ADAMTSL3: variants seen among roughly 807,000 people sequenced by gnomAD.
The protein encoded by ADAMTSL3 is ADAMTS like 3.
A neutral mutation model predicts 201.7 loss-of-function variants in ADAMTSL3; 128 were observed. The ratio of observed to expected loss-of-function variants is 0.63; its 90% CI spans 0.55 to 0.73. ADAMTSL3 has a LOEUF of 0.73. Among genes scored for constraint, ADAMTSL3 ranks in the 30% least tolerant of loss-of-function variants. The pLI is 0.00. For synonymous variants in ADAMTSL3, 738 were observed against 748.4 expected, an observed-to-expected ratio of 0.99 and a Z score of 0.23; for missense variants, 1,990 against 2,119.6, an observed-to-expected ratio of 0.94 and a Z score of 1.20.
At chr15:84,009,289 A>G (rs2067962454) in intron 23 of ADAMTSL3, among the ~76,000 whole-genome samples, 1 of 152,158 alleles carries the variant, frequency 6.6e-6, no homozygotes, top group African/African-American at 2.4e-5. Context: ...CTGCAGCCAC[A>G]TGCTCTTTTA....
chr15:83,836,391 C>G (rs1168010218), intron 6 of ADAMTSL3, among the ~76,000 whole-genome samples: 1 of 152,194 alleles, frequency 6.6e-6, no homozygotes, highest in Non-Finnish European at 1.5e-5. Context: ...GAAAATATCT[C>G]TAATCATAAG....
intron 19 of ADAMTSL3, among the ~76,000 whole-genome samples, chr15:83,969,994 A>G (rs1422780036): frequency 6.6e-6 from 1 of 152,244 alleles, no homozygotes; most frequent in East Asian, 1.9e-4. Flanking sequence ...ATGGTGTCAT[A>G]TGGTGTTTGC....
At chr15:84,034,842 A>G (rs1429378464) in intron 28 of ADAMTSL3, among the ~76,000 whole-genome samples, 1 of 152,184 alleles carries the variant, frequency 6.6e-6, no homozygotes, top group African/African-American at 2.4e-5. Flanking sequence ...AGAAATTGAA[A>G]AAAGCTAGTA....
Position 83,709,909 on chromosome 15 carries a change from G to A in ADAMTSL3, c.189+5401G>A, listed in dbSNP as rs550046785. Among the ~76,000 whole-genome samples, 3 of 152,232 alleles carry A rather than the reference G, an allele frequency of 2.0e-5. No individual in the cohort carries two copies. In the South Asian group the frequency reaches 6.2e-4, roughly 32 times the overall value. On this transcript the variant is annotated intron_variant, in intron 3 of 29. Transcript: ENST00000286744. The stretch of plus-strand genomic sequence containing the variant: ...AAAGGACATTAAGCACGAGCAGTAG[G>A]TGACTTAGAAATTGGGCCTCATGCA...
rs1387575425 is a variant in ADAMTSL3, at chr15:83,942,628, C to T, written c.2150C>T (p.Ala717Val). The change falls in exon 18 of 30, where the codon GCT (alanine) becomes GTT (valine). Residue 717 changes from alanine to valine, a missense_variant. Ala to Val is a moderately conservative substitution (Grantham distance 64). Transcript: ENST00000286744. ...WHVGSWGPCS[A>V]TCGVGIQTRD... Reference sequence around the variant, plus strand: ...GTGGGCTCTTGGGGGCCCTGCTCAGCTACCTGTGGAGTTGGAATTCAGACC... The same window carrying T: ...GTGGGCTCTTGGGGGCCCTGCTCAGTTACCTGTGGAGTTGGAATTCAGACC... 1.9e-6 allele frequency: 3 copies of T among 1,613,728 alleles called. No homozygotes were observed. Among genetic ancestry groups the T allele is most frequent in the Non-Finnish European group, 2.5e-6 (3 of 1,179,950 alleles).
intron 20 of ADAMTSL3, among the ~76,000 whole-genome samples, chr15:83,981,702 T>C (rs547492242): frequency 1.8e-4 from 28 of 152,342 alleles, no homozygotes; most frequent in Non-Finnish European, 3.7e-4. Context: ...TTAATCGACA[T>C]ATTTGGGTTA....
At chr15:84,025,482 C>T in intron 27 of ADAMTSL3, 46 bp downstream of exon 27, 1 of 1,553,246 alleles carries the variant, frequency 6.4e-7, no homozygotes, top group Non-Finnish European at 8.8e-7. Context: ...TCTGTCCACA[C>T]AGATAGTGTG....
At chr15:83,764,857 A>G (rs2062866617) in intron 3 of ADAMTSL3, among the ~76,000 whole-genome samples, 1 of 152,170 alleles carries the variant, frequency 6.6e-6, no homozygotes, top group African/African-American at 2.4e-5. Context: ...CATATGGGAT[A>G]TGTGGTGCTA....
At chr15:84,037,663 A>T (rs879321006) in intron 29 of ADAMTSL3, 37 bp from the exon 30 acceptor site, 5 of 1,550,314 alleles carry the variant, frequency 3.2e-6, no homozygotes, top group Middle Eastern at 3.5e-4. Context: ...GGTCTCTAAT[A>T]AGCTATATGT....
intron 21 of ADAMTSL3, 64 bp from the exon 22 acceptor site, chr15:83,988,627 T>C: frequency 2.2e-6 from 3 of 1,393,362 alleles, no homozygotes; most frequent in Non-Finnish European, 2.9e-6. Context: ...TCTCTGCAAC[T>C]CACTGTAGCC....
chr15:83,820,171 G>A (rs1173112535), intron 6 of ADAMTSL3, 124 bp downstream of exon 6: 14 of 779,030 alleles, frequency 1.8e-5, no homozygotes, highest in African/African-American at 5.1e-5. Context: ...GGCCAGGTAC[G>A]GTGGCTTACA....
chr15:83,661,548 T>C (rs2141360700), intron 2 of ADAMTSL3, among the ~76,000 whole-genome samples: 1 of 152,268 alleles, frequency 6.6e-6, no homozygotes, highest in Admixed American at 6.5e-5. Context: ...GAAGCAATTG[T>C]GAACGGGAGT....
At chr15:83,798,245 T>C (rs902937505) in intron 4 of ADAMTSL3, among the ~76,000 whole-genome samples, 2 of 152,246 alleles carry the variant, frequency 1.3e-5, no homozygotes, top group Admixed American at 6.5e-5. Context: ...AACCTTAGCC[T>C]ACATTCTGAA....
intron 8 of ADAMTSL3, among the ~76,000 whole-genome samples, chr15:83,864,083 T>C (rs942064147): frequency 3.0e-4 from 46 of 152,316 alleles, no homozygotes; most frequent in African/African-American, 9.9e-4. Context: ...AATCTCTGAA[T>C]AGACCAATAA....
chr15:83,935,646 A>G (rs1306563224), intron 17 of ADAMTSL3, among the ~76,000 whole-genome samples: 1 of 152,150 alleles, frequency 6.6e-6, no homozygotes, highest in African/African-American at 2.4e-5. Flanking sequence ...GATCCAGGAA[A>G]GGAACAATAA....
At chr15:83,989,027 C>T (rs996996668) in intron 22 of ADAMTSL3, among the ~76,000 whole-genome samples, 3 of 151,718 alleles carry the variant, frequency 2.0e-5, no homozygotes, top group Non-Finnish European at 2.9e-5. Context: ...GGACTACAGG[C>T]GCCCGCCACC....
chr15:83,701,491 GTCCCCACCCAAATC>G (rs1567083166), intron 2 of ADAMTSL3, among the ~76,000 whole-genome samples: 1 of 152,174 alleles, frequency 6.6e-6, no homozygotes, highest in Admixed American at 6.5e-5. Flanking sequence ...TTGATTCTGT[GTCCCCACCCAAATC>G]TCATCTTCAA....
chr15:83,826,489 T>C (rs564067370), intron 6 of ADAMTSL3, among the ~76,000 whole-genome samples: 44 of 151,848 alleles, frequency 2.9e-4, no homozygotes, highest in South Asian at 2.1e-3. Context: ...ACAGGTACAA[T>C]TTTTTATTTC....
At chr15:83,910,065 A>T (rs1464154828) in intron 15 of ADAMTSL3, among the ~76,000 whole-genome samples, 1 of 152,106 alleles carries the variant, frequency 6.6e-6, no homozygotes, top group African/African-American at 2.4e-5. Context: ...TGTGTCATTA[A>T]TTTGATCTTC....
Sources: gnomAD v4.1 joint callset for allele counts (sites outside exome capture counted in the v4.1 genomes callset) on GRCh38, gnomAD v4.1.1 for gene constraint, MANE v1.5 for transcripts, NCBI Gene and HGNC (gene_info 2026-07-23, HGNC 2026-07-21) for gene names.